Variants in FER1L6 observed in about 807,000 individuals in gnomAD.
FER1L6 encodes the protein fer-1 like family member 6.
Under a neutral mutation model 219.2 loss-of-function variants are expected in FER1L6, and 177 were observed. That is an observed-to-expected ratio of 0.81 (90% CI 0.71 to 0.91). FER1L6 has a LOEUF of 0.91. Among genes scored for constraint, FER1L6 ranks in the 40% least tolerant of loss-of-function variants. The pLI, the probability that FER1L6 is intolerant of heterozygous loss-of-function variation, is 0.00. For synonymous variants in FER1L6, 768 were observed against 824.3 expected (o/e 0.93, Z 1.17); for missense variants, 2,153 against 2,259.9 (o/e 0.95, Z 0.96).
intron 14 of FER1L6, among the ~76,000 whole-genome samples, chr8:124,013,163 T>TTCCC (rs979663411): frequency 6.6e-6 from 1 of 152,182 alleles, no homozygotes; most frequent in African/African-American, 2.4e-5. Flanking sequence ...ATGGTACCCA[T>TTCCC]TAGGGAATGG....
chr8:124,034,220 TAGA>T (rs1819102443), intron 18 of FER1L6, among the ~76,000 whole-genome samples: 1 of 151,124 alleles, frequency 6.6e-6, no homozygotes, highest in African/African-American at 2.5e-5. Flanking sequence ...AAGAGGAACT[TAGA>T]AGAAGAGTTG....
At chr8:124,021,804 T>A in intron 17 of FER1L6, 135 bp downstream of exon 17, 1 of 931,856 alleles carries the variant, frequency 1.1e-6, no homozygotes, top group Non-Finnish European at 1.6e-6. Context: ...CAGGCACTCC[T>A]AGTTTAGAGA....
At chr8:124,095,954 C>A (rs1367403810) in intron 35 of FER1L6, among the ~76,000 whole-genome samples, 4 of 152,200 alleles carry the variant, frequency 2.6e-5, no homozygotes, top group Non-Finnish European at 5.9e-5. Flanking sequence ...ATCCCTGGCC[C>A]ATGCCAGGTT....
chr8:123,952,312 G>T (rs1586507036), intron 1 of FER1L6, among the ~76,000 whole-genome samples: 1 of 152,324 alleles, frequency 6.6e-6, no homozygotes, highest in African/African-American at 2.4e-5. Context: ...CTTGTGCCAG[G>T]CTGGCTGCCT....
At chr8:124,118,794 C>T in intron 39 of FER1L6, 50 bp from the exon 40 acceptor site, 2 of 1,524,500 alleles carry the variant, frequency 1.3e-6, no homozygotes, top group Non-Finnish European at 1.8e-6. Flanking sequence ...TTGCCATTGG[C>T]TCAGTGGGTC....
intron 22 of FER1L6, among the ~76,000 whole-genome samples, chr8:124,050,736 A>G (rs1477017765): frequency 6.6e-6 from 1 of 152,054 alleles, no homozygotes; most frequent in African/African-American, 2.4e-5. Flanking sequence ...TCTTCATGCC[A>G]CCAAGAGAGA....
intron 9 of FER1L6, 77 bp from the exon 10 acceptor site, chr8:123,977,340 C>T (rs936965512): frequency 7.8e-6 from 11 of 1,416,158 alleles, no homozygotes; most frequent in Admixed American, 4.1e-5. Flanking sequence ...TCACTTTATA[C>T]TTCCAGCTGG....
intron 1 of FER1L6, among the ~76,000 whole-genome samples, chr8:123,902,838 T>C (rs2129739042): frequency 6.6e-6 from 1 of 152,310 alleles, no homozygotes; most frequent in African/African-American, 2.4e-5. Context: ...TTGTTGCCTG[T>C]GTATTTTTTG....
intron 18 of FER1L6, among the ~76,000 whole-genome samples, chr8:124,026,499 G>T (rs953334489): frequency 4.6e-5 from 7 of 152,104 alleles, no homozygotes; most frequent in African/African-American, 1.7e-4. Flanking sequence ...CGGAGGGGAG[G>T]TATAGGAGAG....
chr8:124,076,393 A>C, intron 32 of FER1L6, 68 bp downstream of exon 32: 1 of 1,485,258 alleles, frequency 6.7e-7, no homozygotes, highest in Non-Finnish European at 9.4e-7. Context: ...TTCTGTGGGG[A>C]TAGTGCGTGT....
intron 1 of FER1L6, among the ~76,000 whole-genome samples, chr8:123,919,050 CAG>C (rs1813278495): frequency 6.6e-6 from 1 of 152,016 alleles, no homozygotes; most frequent in East Asian, 1.9e-4. Context: ...TCTGGGTGGG[CAG>C]AGAGTGCTGG....
At chr8:123,986,208 T>TA in intron 12 of FER1L6, 32 bp downstream of exon 12, 2 of 1,270,790 alleles carry the variant, frequency 1.6e-6, no homozygotes, top group Non-Finnish European at 2.3e-6. Flanking sequence ...GCCAGGCACA[T>TA]AGCATGGATT....
chr8:124,033,432 T>C (rs1819056713), intron 18 of FER1L6, among the ~76,000 whole-genome samples: 1 of 152,224 alleles, frequency 6.6e-6, no homozygotes, highest in African/African-American at 2.4e-5. Context: ...ATTTGTCTTA[T>C]AATTTTGTAA....
chr8:123,936,988 C>T (rs1294534630), intron 1 of FER1L6, among the ~76,000 whole-genome samples: 1 of 152,210 alleles, frequency 6.6e-6, no homozygotes, highest in East Asian at 1.9e-4. Context: ...CTACTGCAAC[C>T]TCCGCCTCCT....
intron 22 of FER1L6, chr8:124,058,903 T>A (rs1820431071): frequency 6.6e-6 from 1 of 152,254 alleles, no homozygotes; most frequent in African/African-American, 2.4e-5. Context: ...ATTTGCAGTG[T>A]CTGCTCTCCT....
rs548184310 is a variant in FER1L6, at chr8:123,914,977, T to C, written c.-7-41015T>C. Among the ~76,000 whole-genome samples the C allele has an allele frequency of 7.2e-5, 11 of 152,286 alleles. No individual in the cohort carries two copies. The South Asian group carries it at 2.3e-3, about 32-fold the overall frequency. ...TATCACTGGAGGTAATTATTGCTAA[T>C]GTTTTCAATATTAAAAAAATTTTCA... On this transcript the variant is annotated intron_variant, in intron 1 of 40. Coordinates refer to ENST00000522917, the MANE Select transcript of FER1L6 (RefSeq NM_001039112.2).
chr8:123,957,322 G>T (rs1815066986), intron 2 of FER1L6, among the ~76,000 whole-genome samples: 1 of 152,212 alleles, frequency 6.6e-6, no homozygotes, highest in Non-Finnish European at 1.5e-5. Flanking sequence ...AAGGCTTAAA[G>T]CTTAAAAGTC....
intron 1 of FER1L6, among the ~76,000 whole-genome samples, chr8:123,855,678 C>CAT: frequency 7.7e-6 from 1 of 130,010 alleles, no homozygotes. Context: ...AAGTGAAAAC[C>CAT]ATATGTGTGT....
At chr8:123,941,941 A>C (rs142391431) in intron 1 of FER1L6, among the ~76,000 whole-genome samples, 1,859 of 152,210 alleles carry the variant, frequency 0.012, 14 homozygotes, top group Non-Finnish European at 0.019. Context: ...CCCAGTGGTA[A>C]CATGTGAGGT....
Sources: gnomAD v4.1 joint callset for allele counts (sites outside exome capture counted in the v4.1 genomes callset) on GRCh38, gnomAD v4.1.1 for gene constraint, MANE v1.5 for transcripts, NCBI Gene and HGNC (gene_info 2026-07-23, HGNC 2026-07-21) for gene names.